Variants in ENO1 observed in about 807,000 individuals in gnomAD.
The protein encoded by ENO1 is alpha-enolase.
Under a neutral mutation model 46.3 loss-of-function variants are expected in ENO1, and 33 were observed. The ratio of observed to expected loss-of-function variants is 0.71; its 90% CI spans 0.54 to 0.95. The LOEUF (loss-of-function observed/expected upper bound fraction) is 0.95. ENO1 is among the 40% of genes least tolerant of loss of function. ENO1 has a pLI of 0.00. For missense variants in ENO1, 488 were observed against 553.3 expected (o/e 0.88, Z 1.18); for synonymous variants, 220 against 216.0 (o/e 1.02, Z -0.16).
chr1:8,877,053 G>A (rs1042564577), intron 1 of ENO1, among the ~76,000 whole-genome samples: 3 of 150,732 alleles, frequency 2.0e-5, no homozygotes, highest in Non-Finnish European at 2.9e-5. Context: ...GCAGTGACAC[G>A]ATCTCGACTC....
intron 2 of ENO1, among the ~76,000 whole-genome samples, chr1:8,873,059 C>T (rs939738434): frequency 2.0e-5 from 3 of 152,196 alleles, no homozygotes; most frequent in Non-Finnish European, 2.9e-5. Context: ...CTGCAGTGTG[C>T]GCTATCAACA....
chr1:8,864,467 CTTATT>C (rs143400663), intron 8 of ENO1, among the ~76,000 whole-genome samples: 269 of 152,244 alleles, frequency 1.8e-3, no homozygotes, highest in African/African-American at 4.7e-3. Context: ...TACCCAGCTA[CTTATT>C]TTATTTTATT....
intron 2 of ENO1, 106 bp downstream of exon 2, chr1:8,874,718 A>G: frequency 9.8e-7 from 1 of 1,016,352 alleles, no homozygotes; most frequent in Non-Finnish European, 1.5e-6. Flanking sequence ...GACAGAAAGA[A>G]AAGCTTTAAC....
intron 1 of ENO1, among the ~76,000 whole-genome samples, chr1:8,876,466 G>A (rs1480418361): frequency 1.3e-5 from 2 of 152,120 alleles, no homozygotes; most frequent in Admixed American, 6.5e-5. Flanking sequence ...GTTATCTCAG[G>A]CCATTTCCAG....
chr1:8,874,421 T>TG (rs1461809118), intron 2 of ENO1, among the ~76,000 whole-genome samples: 1 of 151,216 alleles, frequency 6.6e-6, no homozygotes, highest in African/African-American at 2.4e-5. Context: ...CTCCCAAAAA[T>TG]GCAAAAATTA....
chr1:8,872,054 T>TC, intron 2 of ENO1, 68 bp from the exon 3 acceptor site: 2 of 1,347,056 alleles, frequency 1.5e-6, no homozygotes, highest in Non-Finnish European at 1.1e-6. Flanking sequence ...CCAAGTCCCC[T>TC]CCCGCCCACA....
intron 1 of ENO1, among the ~76,000 whole-genome samples, chr1:8,875,554 T>C (rs1007130063): frequency 3.3e-5 from 5 of 152,216 alleles, no homozygotes; most frequent in African/African-American, 1.2e-4. Context: ...AAAACCTTGC[T>C]TGTAGCAGAA....
Position 8,874,937 on chromosome 1 carries a change from T to C in ENO1, c.-9-20A>G. The stretch of plus-strand genomic sequence containing the variant: ...GAACTTCTGTAGAAGAAACACACAG[T>C]TCATGTTTTCCATAAGCCATAATGC... On this transcript the variant is annotated intron_variant, in intron 1 of 11. Coordinates refer to ENST00000234590, the MANE Select transcript of ENO1 (RefSeq NM_001428.5). 6.3e-7 allele frequency: 1 copy of C among 1,592,594 alleles called. No homozygotes were observed.
intron 8 of ENO1, among the ~76,000 whole-genome samples, 163 bp downstream of exon 8, chr1:8,865,122 A>C (rs1362499983): frequency 6.6e-6 from 1 of 152,194 alleles, no homozygotes; most frequent in Non-Finnish European, 1.5e-5. Flanking sequence ...CTGTGTATGC[A>C]CAACTGGGGG....
intron 4 of ENO1, chr1:8,870,240 C>T (rs1642601876): frequency 3.4e-6 from 2 of 582,450 alleles, no homozygotes; most frequent in Non-Finnish European, 6.0e-6. Context: ...GTGTCTCATT[C>T]TTCTGATGCA....
At chr1:8,877,276 G>A (rs183823919) in intron 1 of ENO1, among the ~76,000 whole-genome samples, 2,671 of 151,450 alleles carry the variant, frequency 0.018, 36 homozygotes, top group Middle Eastern at 0.034. Flanking sequence ...CAGTAGAGAC[G>A]GGGTTTCACC....
chr1:8,873,656 C>G (rs1642676770), intron 2 of ENO1: 1 of 152,248 alleles, frequency 6.6e-6, no homozygotes, highest in Non-Finnish European at 1.5e-5. Context: ...AAGCAGCCAA[C>G]TCAGGCATTC....
In ENO1 at chr1:8,872,934, C is replaced by G. The variant is rs138686700; in HGVS notation, c.86-948G>C. Among the ~76,000 whole-genome samples, 89 of 152,298 alleles carry G rather than the reference C, an allele frequency of 5.8e-4. No homozygotes were observed. In the East Asian group the frequency reaches 0.016, roughly 27 times the overall value. On this transcript the variant is annotated intron_variant, in intron 2 of 11. Transcript: ENST00000234590. ...ACCAGCCATCTGGTGAAACCTATAC[C>G]TGTAACAAGGGCAATCTTTGGTGGA...
At position 8,865,284 on chromosome 1, in the gene ENO1, C is replaced by T. The variant is rs759857368; in HGVS notation, c.865+1G>A. The T allele has an allele frequency of 5.6e-6, 9 of 1,614,054 alleles. No individual in the cohort carries two copies. The highest frequency in any genetic ancestry group is 7.6e-6 in the Non-Finnish European group (9 of 1,179,958). On this transcript the variant is annotated splice_donor_variant, in intron 8 of 11. Coordinates refer to ENST00000234590, the MANE Select transcript of ENO1 (RefSeq NM_001428.5). LOFTEE classifies it high-confidence loss of function. ...GGAGATGGCACTCGGGGAACACTCA[C>T]CTGGGTAGTCCTTGATGAAGGACTT...
chr1:8,870,740 C>T (rs529099688), intron 3 of ENO1: 2 of 1,426,978 alleles, frequency 1.4e-6, no homozygotes, highest in South Asian at 3.0e-5. Flanking sequence ...CAGCAGCTGG[C>T]TCAGAACGAT....
At chr1:8,871,790 A>C in intron 3 of ENO1, 101 bp downstream of exon 3, 1 of 1,373,408 alleles carries the variant, frequency 7.3e-7, no homozygotes, top group Non-Finnish European at 1.0e-6. Flanking sequence ...ACCTGCCATA[A>C]ACCTGCAAGT....
intron 6 of ENO1, 116 bp from the exon 7 acceptor site, chr1:8,866,617 C>T: frequency 8.9e-7 from 1 of 1,119,968 alleles, no homozygotes; most frequent in Non-Finnish European, 1.3e-6. Context: ...AGACTTGCTT[C>T]TTGAGGAGCA....
Position 8,867,257 on chromosome 1 carries a change from C to CA in ENO1, c.311-8dup. On this transcript the variant is annotated splice_region_variant and splice_polypyrimidine_tract_variant and intron_variant, in intron 5 of 11. Coordinates refer to ENST00000234590, the MANE Select transcript of ENO1 (RefSeq NM_001428.5). ...GCGTTCGCACCAAACTTAGCTAGAA[C>CA]AGAAGAGAACCGAGTGGAATGAAGT... 1.9e-6 allele frequency: 3 copies of CA among 1,613,924 alleles called. No individual in the cohort carries two copies. The highest frequency in any genetic ancestry group is 3.3e-4 in the Middle Eastern group (2 of 6,060).
chr1:8,876,844 A>T (rs1642743257), intron 1 of ENO1, among the ~76,000 whole-genome samples: 2 of 149,110 alleles, frequency 1.3e-5, no homozygotes, highest in East Asian at 2.0e-4. Context: ...ATAAAGTGTG[A>T]TTTTTTTTTT....
Sources: allele counts gnomAD v4.1 joint callset (sites outside exome capture counted in the v4.1 genomes callset), GRCh38; gene constraint gnomAD v4.1.1; transcripts MANE v1.5; gene names NCBI Gene and HGNC (gene_info 2026-07-23, HGNC 2026-07-21).